Variants in ENPEP observed in about 807,000 individuals in gnomAD.
The protein encoded by ENPEP is glutamyl aminopeptidase.
ENPEP carries 103 observed loss-of-function variants against 114.5 expected under a neutral mutation model. The observed-to-expected ratio is 0.90, with a 90% CI of 0.77 to 1.06. The LOEUF is 1.06. ENPEP is among the 50% of genes least tolerant of loss of function. The probability of loss-of-function intolerance (pLI) is 0.00; values close to 1 mark genes in which losing one functional copy is unlikely to be tolerated. For missense variants in ENPEP, 1,196 were observed against 1,161.3 expected, an observed-to-expected ratio of 1.03 and a Z score of -0.43; for synonymous variants, 420 against 422.0, an observed-to-expected ratio of 1.00 and a Z score of 0.06.
At chr4:110,522,262 A>G (rs1017204616) in intron 10 of ENPEP, among the ~76,000 whole-genome samples, 3 of 149,650 alleles carry the variant, frequency 2.0e-5, no homozygotes, top group South Asian at 2.2e-4. Context: ...GCTCACTGCA[A>G]CCTCTGCTTC....
chr4:110,527,006 A>T (rs1242227977), intron 10 of ENPEP, among the ~76,000 whole-genome samples: 3 of 152,312 alleles, frequency 2.0e-5, no homozygotes, highest in East Asian at 3.9e-4. Flanking sequence ...TATTCAGAAG[A>T]GAAAGATCTT....
At chr4:110,497,325 G>A (rs1724982308) in intron 3 of ENPEP, among the ~76,000 whole-genome samples, 1 of 151,838 alleles carries the variant, frequency 6.6e-6, no homozygotes. Flanking sequence ...TTTCTTTACT[G>A]GAAGGGTTAT....
chr4:110,509,681 T>G lies in ENPEP; in HGVS notation c.1068T>G (p.Thr356=), dbSNP rs762393418. The G allele has an allele frequency of 1.2e-6, 2 of 1,613,398 alleles. No individual in the cohort carries two copies. The highest frequency in any genetic ancestry group is 1.7e-5 in the Admixed American group (1 of 59,802). Residue 356 remains threonine (T), a synonymous_variant, in exon 5 of 20, where the codon ACT becomes ACG. Transcript: ENST00000265162. ...AAATCGCTATTCCAGATTTTGGCAC[T>G]GGTGCCATGGAGAACTGGGGACTCA... ...LDKIAIPDFG[T]GAMENWGLIT...
Position 110,476,883 on chromosome 4 carries a change from G to A in ENPEP, c.469G>A (p.Val157Ile). Residue 157 changes from valine (V) to isoleucine (I), a missense_variant, in exon 1 of 20, where the codon GTC becomes ATC. Coordinates refer to ENST00000265162, the MANE Select transcript of ENPEP (RefSeq NM_001977.4). The part of the protein sequence containing the change: ...LKRPSGDQVQ[V>I]RRCFEYKKQE... ...GAGGCCCTCTGGGGACCAGGTGCAA[G>A]TCCGGAGGTGTTTCGAGTACAAAAA... 6.2e-7 allele frequency: 1 copy of A among 1,614,128 alleles called. No individual in the cohort carries two copies. Among genetic ancestry groups the A allele is most frequent in the Non-Finnish European group, 8.5e-7 (1 of 1,180,018 alleles).
intron 11 of ENPEP, among the ~76,000 whole-genome samples, chr4:110,538,714 C>T (rs745554238): frequency 2.6e-5 from 4 of 152,202 alleles, no homozygotes; most frequent in Non-Finnish European, 4.4e-5. Flanking sequence ...ACTTACCTTA[C>T]TAAGCTTAAT....
intron 10 of ENPEP, among the ~76,000 whole-genome samples, chr4:110,520,971 C>T (rs1725965604): frequency 6.6e-6 from 1 of 152,084 alleles, no homozygotes; most frequent in Admixed American, 6.5e-5. Context: ...GGGCTTGTTT[C>T]CTAAAGAAAT....
At chr4:110,527,707 T>C (rs773159251) in intron 10 of ENPEP, among the ~76,000 whole-genome samples, 4 of 152,170 alleles carry the variant, frequency 2.6e-5, no homozygotes, top group Admixed American at 2.0e-4. Flanking sequence ...CAAATTAGAT[T>C]AACTATTTAA....
chr4:110,531,247 A>G lies in ENPEP; in HGVS notation c.1777A>G (p.Ser593Gly). 3 of 1,463,700 alleles carry G rather than the reference A, an allele frequency of 2.0e-6. No individual in the cohort carries two copies. The highest frequency in any genetic ancestry group is 2.8e-6 in the Non-Finnish European group (3 of 1,089,258). The allele number at this position is 1,463,700 out of a possible 1,614,324, so 90.7% of individuals were successfully genotyped here. ...VKWTEDNITS[S>G]VLFNRSEKEG... The stretch of plus-strand genomic sequence containing the variant: ...ATGGACTGAAGATAATATAACAAGC[A>G]GTGTGTTATTTAATAGGTCAGAAAA... The change falls in exon 11 of 20, where the codon AGT becomes GGT. Residue 593 changes from serine (S) to glycine (G), a missense_variant. Coordinates refer to ENST00000265162, the MANE Select transcript of ENPEP (RefSeq NM_001977.4).
chr4:110,496,593 T>C (rs1423320223), intron 3 of ENPEP, among the ~76,000 whole-genome samples: 1 of 152,254 alleles, frequency 6.6e-6, no homozygotes, highest in African/African-American at 2.4e-5. Flanking sequence ...ATCTACATTA[T>C]ACTTAGCAAT....
At chr4:110,512,053 C>T (rs1337447250) in intron 6 of ENPEP, among the ~76,000 whole-genome samples, 1 of 152,120 alleles carries the variant, frequency 6.6e-6, no homozygotes, top group Admixed American at 6.5e-5. Context: ...CGTGAGCCAC[C>T]GAGCCCAGCC....
At chr4:110,492,681 G>A (rs1308540483) in intron 3 of ENPEP, among the ~76,000 whole-genome samples, 1 of 152,130 alleles carries the variant, frequency 6.6e-6, no homozygotes, top group Non-Finnish European at 1.5e-5. Context: ...AGATAATACT[G>A]GTATGAAAAG....
At chr4:110,520,134 C>A in intron 9 of ENPEP, 61 bp downstream of exon 9, 3 of 1,594,460 alleles carry the variant, frequency 1.9e-6, no homozygotes, top group Admixed American at 3.4e-5. Flanking sequence ...GCTTACCAAT[C>A]ATTTTCTAAT....
At chr4:110,528,705 C>T (rs116103195) in intron 10 of ENPEP, among the ~76,000 whole-genome samples, 51 of 152,300 alleles carry the variant, frequency 3.3e-4, no homozygotes, top group African/African-American at 8.2e-4. Flanking sequence ...CTTTGATAGT[C>T]CACTCCATGT....
At chr4:110,527,659 T>C (rs1312927009) in intron 10 of ENPEP, among the ~76,000 whole-genome samples, 1 of 152,228 alleles carries the variant, frequency 6.6e-6, no homozygotes, top group Admixed American at 6.5e-5. Flanking sequence ...CTAACAACTA[T>C]AAAGTGTTTC....
rs1039603653 is a variant in ENPEP, at chr4:110,520,381, T to C, written c.1727+15T>C. On this transcript the variant is annotated intron_variant, in intron 10 of 19. Transcript: ENST00000265162. The stretch of plus-strand genomic sequence containing the variant: ...TCAGATCTTGGGTAAGGCTCTATAA[T>C]GCATTGAAAAAAACACAGAAATTTG... 10 of 1,612,324 alleles carry C rather than the reference T, an allele frequency of 6.2e-6. No individual in the cohort carries two copies. Among genetic ancestry groups the C allele is most frequent in the Non-Finnish European group, 8.5e-6 (10 of 1,179,226 alleles).
intron 18 of ENPEP, among the ~76,000 whole-genome samples, chr4:110,557,731 A>G (rs574341072): frequency 5.9e-5 from 9 of 152,308 alleles, no homozygotes; most frequent in Admixed American, 5.2e-4. Flanking sequence ...TCAGAATCAC[A>G]TTTTAGATAA....
Position 110,476,410 on chromosome 4 carries a change from C to G in ENPEP, c.-5C>G. 1 of 1,510,706 alleles carries G rather than the reference C, an allele frequency of 6.6e-7. No individual in the cohort carries two copies. The highest frequency in any genetic ancestry group is 2.3e-5 in the Admixed American group (1 of 44,284). 93.6% of individuals were successfully genotyped at this position (1,510,706 alleles called of 1,614,324 possible). On this transcript the variant is annotated 5_prime_UTR_variant, in exon 1 of 20. Coordinates refer to ENST00000265162, the MANE Select transcript of ENPEP (RefSeq NM_001977.4). ...TATGTGTAACACTTGACTTTGGAAGCAAAAATGAACTTTGCGGAGAGAGAG... is the reference window on the plus strand; with the variant it reads ...TATGTGTAACACTTGACTTTGGAAGGAAAAATGAACTTTGCGGAGAGAGAG...
chr4:110,506,622 T>C lies in ENPEP; in HGVS notation c.919-15T>C. ...AGAATAATTTTCACTGAATTTTTTG[T>C]GTTTTGTTTAATAGCTTACAATTTA... On this transcript the variant is annotated splice_polypyrimidine_tract_variant and intron_variant, in intron 3 of 19. Coordinates refer to ENST00000265162, the MANE Select transcript of ENPEP (RefSeq NM_001977.4). 1.9e-6 allele frequency: 3 copies of C among 1,578,400 alleles called. No individual in the cohort carries two copies. Among genetic ancestry groups the C allele is most frequent in the Non-Finnish European group, 2.6e-6 (3 of 1,165,174 alleles).
At chr4:110,527,975 C>G (rs1726261854) in intron 10 of ENPEP, among the ~76,000 whole-genome samples, 1 of 152,108 alleles carries the variant, frequency 6.6e-6, no homozygotes, top group Non-Finnish European at 1.5e-5. Flanking sequence ...AACAATTTTA[C>G]TGCCAAGTGA....
Sources: gnomAD v4.1 joint callset for allele counts (sites outside exome capture counted in the v4.1 genomes callset) on GRCh38, gnomAD v4.1.1 for gene constraint, MANE v1.5 for transcripts, NCBI Gene and HGNC (gene_info 2026-07-23, HGNC 2026-07-21) for gene names.